The following VPS13B variants were observed in gnomAD, a reference collection of about 807,000 sequenced individuals.
VPS13B encodes intermembrane lipid transfer protein VPS13B.
A neutral mutation model predicts 426.4 loss-of-function variants in VPS13B; 285 were observed. The ratio of observed to expected loss-of-function variants is 0.67; its 90% confidence interval spans 0.61 to 0.74. The LOEUF (loss-of-function observed/expected upper bound fraction) is 0.74. VPS13B is among the 30% of genes least tolerant of loss of function. VPS13B has a pLI of 0.00. For missense variants in VPS13B, 4,537 were observed against 4,782.6 expected, an observed-to-expected ratio of 0.95 and a Z score of 1.51; for synonymous variants, 1,676 against 1,676.4, an observed-to-expected ratio of 1.00 and a Z score of 0.01.
At chr8:99,406,991 A>G (rs1169699826) in intron 21 of VPS13B, among the ~76,000 whole-genome samples, 1 of 152,218 alleles carries the variant, frequency 6.6e-6, no homozygotes, top group Non-Finnish European at 1.5e-5. Flanking sequence ...ACAGTGGAAA[A>G]TAAAGTTGAA....
intron 24 of VPS13B, among the ~76,000 whole-genome samples, chr8:99,480,516 A>G (rs1039448): frequency 0.27 from 41,135 of 152,008 alleles, 6,385 homozygotes; most frequent in East Asian, 0.45. Context: ...TTGCAACAAA[A>G]TTGTTTCTCT....
intron 2 of VPS13B, among the ~76,000 whole-genome samples, chr8:99,031,629 A>G (rs146370498): frequency 1.3e-5 from 2 of 152,274 alleles, no homozygotes; most frequent in East Asian, 3.9e-4. Context: ...TGGGTGCAGT[A>G]GTGTAATTTC....
At chr8:99,689,521 C>CA (rs1563864266) in intron 35 of VPS13B, among the ~76,000 whole-genome samples, 3 of 151,100 alleles carry the variant, frequency 2.0e-5, no homozygotes, top group African/African-American at 7.3e-5. Context: ...GTCTGAGTCT[C>CA]AAAAAAAAAG....
intron 17 of VPS13B, among the ~76,000 whole-genome samples, chr8:99,197,795 CAA>C (rs1316436915): frequency 6.6e-6 from 1 of 152,096 alleles, no homozygotes; most frequent in Non-Finnish European, 1.5e-5. Context: ...TCATTTGTCT[CAA>C]GATACATTTT....
chr8:99,405,779 TC>T (rs1815291793), intron 21 of VPS13B, among the ~76,000 whole-genome samples: 1 of 151,808 alleles, frequency 6.6e-6, no homozygotes, highest in Non-Finnish European at 1.5e-5. Context: ...TCCTTTTTTT[TC>T]TTTTTTTTTT....
In VPS13B at chr8:99,848,944, A is replaced by G. The variant is rs751605237; in HGVS notation, c.10061+50A>G. ...ACAACATAGTAAGTGTTACTGTTAC[A>G]AAGTTGTAAACTTAGTATTTATCTT... On this transcript the variant is annotated intron_variant, in intron 55 of 61. Coordinates refer to ENST00000357162, the MANE Select transcript of VPS13B (RefSeq NM_152564.5). 2.2e-5 allele frequency: 34 copies of G among 1,514,420 alleles called. 1 individual carries two copies. The South Asian group carries it at 2.9e-4, about 13-fold the overall frequency. The allele number at this position is 1,514,420 out of a possible 1,614,324, so 93.8% of individuals were successfully genotyped here.
At chr8:99,445,225 T>TATATTATAAATTTATATAATATAAATTG in intron 23 of VPS13B, among the ~76,000 whole-genome samples, 3 of 148,868 alleles carry the variant, frequency 2.0e-5, no homozygotes, top group African/African-American at 7.3e-5. Flanking sequence ...TATGAATATT[T>TATATTATAAATTTATATAATATAAATTG]ATATTATAAA....
intron 3 of VPS13B, among the ~76,000 whole-genome samples, chr8:99,057,046 A>G (rs1843914618): frequency 6.6e-6 from 1 of 152,100 alleles, no homozygotes; most frequent in Admixed American, 6.6e-5. Context: ...TAGAAATGCA[A>G]TTTATTTTTC....
At chr8:99,531,148 T>A (rs1822914052) in intron 30 of VPS13B, among the ~76,000 whole-genome samples, 1 of 152,210 alleles carries the variant, frequency 6.6e-6, no homozygotes. Context: ...CAAACCACAA[T>A]TTATAATGAA....
At chr8:99,730,088 G>A (rs1833528749) in intron 39 of VPS13B, among the ~76,000 whole-genome samples, 3 of 152,146 alleles carry the variant, frequency 2.0e-5, no homozygotes, top group South Asian at 4.1e-4. Flanking sequence ...CAGCTGGGTT[G>A]GGCAGTTCAC....
At chr8:99,093,909 C>G (rs528934710) in intron 3 of VPS13B, 12 of 152,280 alleles carry the variant, frequency 7.9e-5, no homozygotes, top group African/African-American at 2.6e-4. Context: ...AGTCGAATCT[C>G]TGAATAGACC....
chr8:99,284,053 A>G (rs1819300362), intron 19 of VPS13B, among the ~76,000 whole-genome samples: 1 of 152,208 alleles, frequency 6.6e-6, no homozygotes, highest in Non-Finnish European at 1.5e-5. Flanking sequence ...CAAAAAGTTT[A>G]ATAAATATCT....
At chr8:99,766,036 T>C (rs1395362949) in intron 39 of VPS13B, among the ~76,000 whole-genome samples, 2 of 149,026 alleles carry the variant, frequency 1.3e-5, no homozygotes, top group South Asian at 2.1e-4. Flanking sequence ...TCCGTCTTTC[T>C]CCTACTTATT....
At chr8:99,360,155 TTTCTTTCTTTC>T in intron 19 of VPS13B, among the ~76,000 whole-genome samples, 1 of 36,076 alleles carries the variant, frequency 2.8e-5, no homozygotes, top group Non-Finnish European at 5.1e-5. Flanking sequence ...TCTTTCTTTC[TTTCTTTCTTTC>T]TTTCTTTCTT....
chr8:99,675,943 A>G (rs1345944955), intron 35 of VPS13B, among the ~76,000 whole-genome samples: 1 of 150,760 alleles, frequency 6.6e-6, no homozygotes, highest in East Asian at 1.9e-4. Flanking sequence ...ATATATCTCT[A>G]TTTTTCAGGG....
intron 39 of VPS13B, among the ~76,000 whole-genome samples, chr8:99,723,929 A>G (rs1833229973): frequency 6.6e-6 from 1 of 152,176 alleles, no homozygotes; most frequent in South Asian, 2.1e-4. Flanking sequence ...TACAACTTGG[A>G]TCGAGGAACA....
intron 54 of VPS13B, among the ~76,000 whole-genome samples, chr8:99,846,228 G>C (rs927441958): frequency 1.3e-5 from 2 of 152,206 alleles, no homozygotes; most frequent in Admixed American, 6.5e-5. Context: ...CAGAGTCCAT[G>C]ATGGTGAATA....
At chr8:99,596,907 TAG>T (rs1175919708) in intron 33 of VPS13B, among the ~76,000 whole-genome samples, 1 of 152,030 alleles carries the variant, frequency 6.6e-6, no homozygotes, top group Non-Finnish European at 1.5e-5. Context: ...CATCCGTAGC[TAG>T]AGAGTCTTCA....
chr8:99,706,981 A>C (rs77587882), intron 36 of VPS13B, among the ~76,000 whole-genome samples: 2,998 of 152,244 alleles, frequency 0.02, 106 homozygotes, highest in African/African-American at 0.069. Flanking sequence ...TAGCAAAGCA[A>C]CCCTGAGTGA....
Sources: allele counts gnomAD v4.1 joint callset (sites outside exome capture counted in the v4.1 genomes callset), GRCh38; gene constraint gnomAD v4.1.1; transcripts MANE v1.5; gene names NCBI Gene and HGNC (gene_info 2026-07-23, HGNC 2026-07-21).